The following TNKS variants were observed in gnomAD, a reference collection of about 807,000 sequenced individuals.
TNKS encodes poly [ADP-ribose] polymerase tankyrase-1.
In TNKS, 72 loss-of-function variants were observed where a neutral mutation model predicts 135.8. That is an observed-to-expected ratio of 0.53 (90% CI 0.44 to 0.64). The LOEUF (loss-of-function observed/expected upper bound fraction) is 0.64. Among genes scored for constraint, TNKS ranks in the 30% least tolerant of loss-of-function variants. TNKS has a pLI of 0.00. For synonymous variants in TNKS, 849 were observed against 649.3 expected (o/e 1.31, Z -4.68); for missense variants, 1,769 against 1,674.0 (o/e 1.06, Z -0.99).
At chr8:9,742,358 C>G (rs1222257321) in intron 17 of TNKS, among the ~76,000 whole-genome samples, 2 of 145,972 alleles carry the variant, frequency 1.4e-5, no homozygotes, top group Admixed American at 7.0e-5. Context: ...TGTGATAATA[C>G]CTTTTTTTTG....
chr8:9,626,677 G>A (rs1800066524), intron 3 of TNKS, among the ~76,000 whole-genome samples: 2 of 152,102 alleles, frequency 1.3e-5, no homozygotes, highest in South Asian at 4.1e-4. Context: ...TGGGGGTTGG[G>A]GAAGGACACT....
chr8:9,579,385 C>T (rs1158495671), intron 1 of TNKS, among the ~76,000 whole-genome samples: 2 of 152,202 alleles, frequency 1.3e-5, no homozygotes, highest in African/African-American at 4.8e-5. Flanking sequence ...CATACCCATA[C>T]ATTCATCCCC....
rs529723013 is a variant in TNKS at position 9,659,171 on chromosome 8, A to G, written c.995-20780A>G. 8.5e-5 allele frequency among the ~76,000 whole-genome samples: 13 copies of G among 152,340 alleles called. 1 individual carries two copies. Among genetic ancestry groups the G allele is most frequent in the South Asian group, 4.1e-4 (2 of 4,830 alleles). On this transcript the variant is annotated intron_variant, in intron 3 of 26. Coordinates refer to ENST00000310430, the MANE Select transcript of TNKS (RefSeq NM_003747.3). ...ACACCCCACTGTCAACATTAGACAGATCAAGAAGACAGAAAGTTAACAAAG... is the reference window on the plus strand; with the variant it reads ...ACACCCCACTGTCAACATTAGACAGGTCAAGAAGACAGAAAGTTAACAAAG...
intron 3 of TNKS, among the ~76,000 whole-genome samples, chr8:9,617,637 G>C (rs905430402): frequency 3.9e-5 from 6 of 152,088 alleles, no homozygotes; most frequent in Non-Finnish European, 8.8e-5. Flanking sequence ...ATTCTTTCCA[G>C]TGGAATTATG....
chr8:9,597,732 C>T (rs1454635075), intron 2 of TNKS, among the ~76,000 whole-genome samples: 1 of 152,080 alleles, frequency 6.6e-6, no homozygotes, highest in Non-Finnish European at 1.5e-5. Context: ...TCTTTCAAGC[C>T]AAGAGACATC....
chr8:9,688,514 A>T (rs1016954256), intron 5 of TNKS, among the ~76,000 whole-genome samples: 1 of 152,222 alleles, frequency 6.6e-6, no homozygotes, highest in Admixed American at 6.5e-5. Flanking sequence ...GGATTGCCAT[A>T]CCATTGACAG....
intron 3 of TNKS, among the ~76,000 whole-genome samples, chr8:9,621,275 C>T (rs1485897609): frequency 4.6e-5 from 7 of 151,230 alleles, no homozygotes; most frequent in Non-Finnish European, 8.8e-5. Flanking sequence ...TCACATCAGA[C>T]ATCCAGATGT....
chr8:9,600,581 A>G (rs569740074), intron 2 of TNKS, among the ~76,000 whole-genome samples: 1 of 152,174 alleles, frequency 6.6e-6, no homozygotes, highest in African/African-American at 2.4e-5. Context: ...CCAAAATGGT[A>G]GGATTTCAGA....
chr8:9,680,592 AAG>A, intron 4 of TNKS, 131 bp from the exon 5 acceptor site: 1 of 599,586 alleles, frequency 1.7e-6, no homozygotes, highest in East Asian at 2.7e-5. Context: ...AATATTGCAA[AAG>A]AGATTTATTG....
At chr8:9,602,171 C>G (rs922201827) in intron 2 of TNKS, among the ~76,000 whole-genome samples, 5 of 152,118 alleles carry the variant, frequency 3.3e-5, no homozygotes, top group Non-Finnish European at 7.3e-5. Context: ...ATTCAACAGA[C>G]AAGCCGTGGC....
At chr8:9,623,282 A>G (rs1300954240) in intron 3 of TNKS, among the ~76,000 whole-genome samples, 1 of 152,208 alleles carries the variant, frequency 6.6e-6, no homozygotes, top group Admixed American at 6.5e-5. Context: ...AAGGTGTTTG[A>G]TCTATTGATA....
intron 3 of TNKS, among the ~76,000 whole-genome samples, chr8:9,638,333 A>G (rs1043570814): frequency 6.6e-6 from 1 of 152,174 alleles, no homozygotes; most frequent in African/African-American, 2.4e-5. Flanking sequence ...AATGTTACTT[A>G]CTTTCTCATT....
intron 13 of TNKS, 64 bp downstream of exon 13, chr8:9,726,784 A>C (rs771415626): frequency 1.5e-6 from 2 of 1,322,770 alleles, no homozygotes; most frequent in Non-Finnish European, 2.1e-6. Flanking sequence ...TTCATTTTTA[A>C]GCTTCTAAGT....
intron 3 of TNKS, among the ~76,000 whole-genome samples, chr8:9,621,756 T>C (rs1212758215): frequency 6.6e-6 from 1 of 152,186 alleles, no homozygotes; most frequent in Non-Finnish European, 1.5e-5. Context: ...ACTTATCAGT[T>C]ATTAGAAAGT....
chr8:9,708,624 T>C (rs1804168561), intron 9 of TNKS, 132 bp downstream of exon 9: 2 of 1,019,772 alleles, frequency 2.0e-6, no homozygotes, highest in East Asian at 6.1e-5. Context: ...TAATTTTGGT[T>C]GCATTGATTT....
At chr8:9,570,611 A>T (rs1326143632) in intron 1 of TNKS, among the ~76,000 whole-genome samples, 1 of 152,172 alleles carries the variant, frequency 6.6e-6, no homozygotes, top group East Asian at 1.9e-4. Context: ...AACCCAAAAC[A>T]AAGGGCCTCA....
At chr8:9,571,127 C>T (rs1385067025) in intron 1 of TNKS, among the ~76,000 whole-genome samples, 2 of 152,098 alleles carry the variant, frequency 1.3e-5, no homozygotes, top group African/African-American at 4.8e-5. Flanking sequence ...CTACTGTGGC[C>T]TTAAGAGTAA....
At chr8:9,684,317 T>C (rs1038470232) in intron 5 of TNKS, among the ~76,000 whole-genome samples, 1 of 152,098 alleles carries the variant, frequency 6.6e-6, no homozygotes, top group Non-Finnish European at 1.5e-5. Flanking sequence ...TTGTTTGATA[T>C]CTAAATTTAA....
chr8:9,710,255 G>C, intron 11 of TNKS, 35 bp downstream of exon 11: 1 of 1,597,646 alleles, frequency 6.3e-7, no homozygotes, highest in Non-Finnish European at 8.6e-7. Flanking sequence ...GCCAGACTCA[G>C]CACTGAGCAG....
Sources: gnomAD v4.1 joint callset for allele counts (sites outside exome capture counted in the v4.1 genomes callset) on GRCh38, gnomAD v4.1.1 for gene constraint, MANE v1.5 for transcripts, NCBI Gene and HGNC (gene_info 2026-07-23, HGNC 2026-07-21) for gene names.